Variants in TRIOBP observed in about 807,000 individuals in gnomAD.
TRIOBP encodes TRIO and F-actin binding protein.
A neutral mutation model predicts 238.8 loss-of-function variants in TRIOBP; 169 were observed. The ratio of observed to expected loss-of-function variants is 0.71; its 90% confidence interval spans 0.62 to 0.80. The LOEUF (loss-of-function observed/expected upper bound fraction) is 0.80, where lower values mean the gene tolerates loss of function less well. Ranked by LOEUF, TRIOBP falls within the 30% of genes least tolerant of loss-of-function variation. TRIOBP has a pLI of 0.00. For missense variants in TRIOBP, 2,838 were observed against 3,122.6 expected, an observed-to-expected ratio of 0.91 and a Z score of 2.17; for synonymous variants, 1,150 against 1,274.4, an observed-to-expected ratio of 0.90 and a Z score of 2.08.
At chr22:37,762,524 C>G (rs1926294640) in intron 17 of TRIOBP, among the ~76,000 whole-genome samples, 1 of 152,248 alleles carries the variant, frequency 6.6e-6, no homozygotes, top group African/African-American at 2.4e-5. Flanking sequence ...ATAGGCAGAC[C>G]TGTGTCTGGA....
At chr22:37,713,153 TG>T (rs1401583785) in intron 4 of TRIOBP, 56 bp from the exon 5 acceptor site, 2 of 1,491,582 alleles carry the variant, frequency 1.3e-6, no homozygotes, top group South Asian at 1.2e-5. Context: ...TATGCCTGGG[TG>T]GGGTGGGGGA....
rs758307544 is a variant in TRIOBP at position 37,769,309 on chromosome 22, C to T, written c.6783C>T (p.Phe2261=). The change falls in exon 21 of 24, where the codon TTC becomes TTT. Residue 2261 remains phenylalanine (F), a synonymous_variant. Coordinates refer to ENST00000644935, the MANE Select transcript of TRIOBP (RefSeq NM_001039141.3). The part of the protein sequence containing the change: ...LSEEIDQLRG[F]IASQGMGNGC... Reference sequence around the variant, plus strand: ...AGGAGATAGACCAGCTGCGCGGCTTCATTGCCTCGCAGGGCATGGGCAATG... The same window carrying T: ...AGGAGATAGACCAGCTGCGCGGCTTTATTGCCTCGCAGGGCATGGGCAATG... The T allele has an allele frequency of 1.2e-6, 2 of 1,611,846 alleles. No homozygotes were observed. The highest frequency in any genetic ancestry group is 1.3e-5 in the African/African-American group (1 of 74,926).
chr22:37,737,335 T>C (rs1211190556), intron 9 of TRIOBP, among the ~76,000 whole-genome samples: 1 of 152,112 alleles, frequency 6.6e-6, no homozygotes, highest in African/African-American at 2.4e-5. Context: ...CAGGTCCTGC[T>C]GGGGCTCCAG....
intron 5 of TRIOBP, among the ~76,000 whole-genome samples, chr22:37,714,446 A>G (rs1204575975): frequency 6.6e-6 from 1 of 152,206 alleles, no homozygotes; most frequent in Non-Finnish European, 1.5e-5. Context: ...AGGTGGGCGG[A>G]TCACCTGAAG....
chr22:37,710,719 G>C (rs1479995974), intron 4 of TRIOBP, among the ~76,000 whole-genome samples, 153 bp downstream of exon 4: 1 of 126,926 alleles, frequency 7.9e-6, no homozygotes, highest in African/African-American at 2.7e-5. Flanking sequence ...CAGGTGGGTG[G>C]TGGGCATGCT....
rs781689687 is a variant in TRIOBP at position 37,734,560 on chromosome 22, G to A, written c.4224G>A (p.Arg1408=). 7 of 1,588,922 alleles carry A rather than the reference G, an allele frequency of 4.4e-6. No homozygotes were observed. The Admixed American group carries it at 9.0e-5, about 21-fold the overall frequency. Residue 1408 remains arginine (R), a synonymous_variant, in exon 9 of 24, where the codon CGG becomes CGA. Coordinates refer to ENST00000644935, the MANE Select transcript of TRIOBP (RefSeq NM_001039141.3). ...TSARTPEREL[R]TQRPLESGQA... ...CCAGGACCCCTGAGAGGGAGCTGCG[G>A]ACACAGAGACCTCTGGAGAGTGGCC...
chr22:37,721,826 C>T (rs1327778174), intron 6 of TRIOBP, among the ~76,000 whole-genome samples: 1 of 152,164 alleles, frequency 6.6e-6, no homozygotes, highest in Non-Finnish European at 1.5e-5. Flanking sequence ...TACTCTTCAC[C>T]TAAAGCAGTA....
intron 17 of TRIOBP, among the ~76,000 whole-genome samples, chr22:37,762,404 C>A (rs972051229): frequency 6.6e-6 from 1 of 152,194 alleles, no homozygotes; most frequent in South Asian, 2.1e-4. Context: ...CTTTAGATTT[C>A]CTTTAGATAA....
At chr22:37,744,871 A>C (rs78890818) in intron 11 of TRIOBP, among the ~76,000 whole-genome samples, 2 of 143,426 alleles carry the variant, frequency 1.4e-5, no homozygotes, top group Admixed American at 1.3e-4. Flanking sequence ...TAAAAGCAAT[A>C]ATTTTTTTTT....
At chr22:37,771,220 T>G (rs1926757846) in intron 21 of TRIOBP, among the ~76,000 whole-genome samples, 1 of 152,206 alleles carries the variant, frequency 6.6e-6, no homozygotes, top group Non-Finnish European at 1.5e-5. Flanking sequence ...GTCTGAGCTT[T>G]TAAGCCTCCC....
chr22:37,701,549 G>A, intron 3 of TRIOBP, 70 bp downstream of exon 3: 2 of 1,151,606 alleles, frequency 1.7e-6, no homozygotes, highest in East Asian at 2.4e-5. Flanking sequence ...GGCCTGTGGT[G>A]TCCGCTAACT....
Position 37,713,388 on chromosome 22 carries a change from G to A in TRIOBP, c.433G>A (p.Asp145Asn). 5.0e-6 allele frequency: 8 copies of A among 1,613,624 alleles called. No homozygotes were observed. The highest frequency in any genetic ancestry group is 2.2e-5 in the East Asian group (1 of 44,884). ...TSSPDSATPD[D>N]TSNSSSVDWD... Reference sequence around the variant, plus strand: ...CAGCCCTGACTCCGCCACCCCTGATGATACCAGCAACTCGTCCTCTGTGGT... The same window carrying A: ...CAGCCCTGACTCCGCCACCCCTGATAATACCAGCAACTCGTCCTCTGTGGT... The change falls in exon 5 of 24, where the codon GAT becomes AAT. Residue 145 changes from aspartate (D) to asparagine (N), a missense_variant. Coordinates refer to ENST00000644935, the MANE Select transcript of TRIOBP (RefSeq NM_001039141.3).
At chr22:37,754,776 G>A (rs1451658456) in intron 12 of TRIOBP, 101 bp from the exon 13 acceptor site, 24 of 1,239,296 alleles carry the variant, frequency 1.9e-5, no homozygotes, top group African/African-American at 5.9e-5. Context: ...GGCATTTTCC[G>A]CCTCCCCACC....
chr22:37,755,021 G>GC, intron 13 of TRIOBP, 37 bp downstream of exon 13: 3 of 1,610,590 alleles, frequency 1.9e-6, no homozygotes, highest in Non-Finnish European at 2.5e-6. Context: ...CCCCGGAAGG[G>GC]CCTGGGGTGG....
At chr22:37,709,536 G>A (rs1031490337) in intron 3 of TRIOBP, among the ~76,000 whole-genome samples, 16 of 152,200 alleles carry the variant, frequency 1.1e-4, no homozygotes, top group African/African-American at 2.9e-4. Context: ...CCCCGGGGAC[G>A]AGGGTGCTGA....
chr22:37,735,545 C>T, intron 9 of TRIOBP, 103 bp downstream of exon 9: 1 of 1,364,718 alleles, frequency 7.3e-7, no homozygotes, highest in Non-Finnish European at 1.0e-6. Context: ...GCTCCTGCAT[C>T]CCCCTCCAGG....
In TRIOBP at chr22:37,772,814, C is replaced by G. The variant is rs148196452; in HGVS notation, c.*2+50C>G. 8.7e-4 allele frequency: 1,388 copies of G among 1,594,892 alleles called. 17 individuals carry two copies. In the African/African-American group the frequency reaches 0.016, roughly 19 times the overall value. Reference sequence around the variant, plus strand: ...CAGGGTGGGCAGGGGCTGAGGCTCTCCCACACCCGGGACTCCCTGGACCAC... The same window carrying G: ...CAGGGTGGGCAGGGGCTGAGGCTCTGCCACACCCGGGACTCCCTGGACCAC... On this transcript the variant is annotated intron_variant, in intron 23 of 23. Transcript: ENST00000644935.
Position 37,755,554 on chromosome 22 carries a change from A to G in TRIOBP, c.5582A>G (p.Lys1861Arg). 4.3e-6 allele frequency: 7 copies of G among 1,613,954 alleles called. No homozygotes were observed. The South Asian group carries it at 7.7e-5, about 18-fold the overall frequency. ...ACCCATGCGGTGGCCTTGCAGACCAAGGATGCTGTCTATACCTTGTCGGCC... is the reference window on the plus strand; with the variant it reads ...ACCCATGCGGTGGCCTTGCAGACCAGGGATGCTGTCTATACCTTGTCGGCC... The part of the protein sequence containing the change: ...QRNYGFQIHT[K>R]DAVYTLSAMT... Residue 1861 changes from lysine (K) to arginine (R), a missense_variant, in exon 15 of 24, where the codon AAG becomes AGG. Coordinates refer to ENST00000644935, the MANE Select transcript of TRIOBP (RefSeq NM_001039141.3).
chr22:37,714,026 C>T (rs1923394387), intron 5 of TRIOBP, among the ~76,000 whole-genome samples: 1 of 152,182 alleles, frequency 6.6e-6, no homozygotes, highest in Non-Finnish European at 1.5e-5. Context: ...GCTTCATGGC[C>T]AGCTCCATGC....
Sources: allele counts gnomAD v4.1 joint callset (sites outside exome capture counted in the v4.1 genomes callset), GRCh38; gene constraint gnomAD v4.1.1; transcripts MANE v1.5; gene names NCBI Gene and HGNC (gene_info 2026-07-23, HGNC 2026-07-21).